Variants in TNKS observed in about 807,000 individuals in gnomAD.
The protein encoded by TNKS is poly [ADP-ribose] polymerase tankyrase-1.
TNKS carries 72 observed loss-of-function variants against 135.8 expected under a neutral mutation model. That is an observed-to-expected ratio of 0.53 (90% CI 0.44 to 0.64). The LOEUF is 0.64. Among genes scored for constraint, TNKS ranks in the 30% least tolerant of loss-of-function variants. The pLI, the probability that TNKS is intolerant of heterozygous loss-of-function variation, is 0.00. For synonymous variants in TNKS, 849 were observed against 649.3 expected, an observed-to-expected ratio of 1.31 and a Z score of -4.68; for missense variants, 1,769 against 1,674.0, an observed-to-expected ratio of 1.06 and a Z score of -0.99.
chr8:9,598,967 C>T (rs946163765), intron 2 of TNKS, among the ~76,000 whole-genome samples: 1 of 151,410 alleles, frequency 6.6e-6, no homozygotes, highest in Admixed American at 6.6e-5. Context: ...TTTATCCCTT[C>T]TTCTGTCTCA....
intron 1 of TNKS, among the ~76,000 whole-genome samples, chr8:9,562,179 A>G (rs1171680874): frequency 6.6e-6 from 1 of 151,422 alleles, no homozygotes; most frequent in Non-Finnish European, 1.5e-5. Context: ...AGTTTTATTC[A>G]GTTTTGTTGG....
chr8:9,573,744 A>G (rs1797845705), intron 1 of TNKS, among the ~76,000 whole-genome samples: 1 of 152,202 alleles, frequency 6.6e-6, no homozygotes, highest in Non-Finnish European at 1.5e-5. Flanking sequence ...TAATAGTTCA[A>G]GTGATGTACA....
intron 17 of TNKS, 67 bp downstream of exon 17, chr8:9,735,553 C>G (rs138067218): frequency 7.7e-7 from 1 of 1,290,826 alleles, no homozygotes; most frequent in East Asian, 2.3e-5. Context: ...GTAATCCCAG[C>G]ACTTTAGGAG....
chr8:9,715,790 T>C (rs937544127), intron 11 of TNKS, among the ~76,000 whole-genome samples: 4 of 152,098 alleles, frequency 2.6e-5, no homozygotes, highest in Non-Finnish European at 2.9e-5. Context: ...GAGTAAACTT[T>C]TGTTCCTTAA....
rs572623042 is a variant in TNKS at position 9,683,025 on chromosome 8, A to T, written c.1107+2225A>T. Among the ~76,000 whole-genome samples the T allele has an allele frequency of 1.1e-4, 17 of 152,174 alleles. No individual in the cohort carries two copies. In the South Asian group the frequency reaches 3.5e-3, roughly 32 times the overall value. On this transcript the variant is annotated intron_variant, in intron 5 of 26. Coordinates refer to ENST00000310430, the MANE Select transcript of TNKS (RefSeq NM_003747.3). ...AAATTAAATTAGATAGAAAAAATTA[A>T]ACTTAAGCATTTATTAGGTTTTAGT... is the stretch of plus-strand genomic sequence containing the variant.
chr8:9,584,120 C>T (rs1187197585), intron 2 of TNKS, among the ~76,000 whole-genome samples: 2 of 141,134 alleles, frequency 1.4e-5, no homozygotes, highest in Non-Finnish European at 3.0e-5. Context: ...GCCGAGATTA[C>T]ACCACTGCAC....
chr8:9,629,088 G>T (rs1390964753), intron 3 of TNKS, among the ~76,000 whole-genome samples: 1 of 152,082 alleles, frequency 6.6e-6, no homozygotes, highest in African/African-American at 2.4e-5. Flanking sequence ...TTTATACTAG[G>T]TCTCACCAAC....
At position 9,776,805 on chromosome 8, in the gene TNKS, TAAC is replaced by T. The variant is rs768161743; in HGVS notation, c.*74_*76del. The T allele has an allele frequency of 3.5e-6, 5 of 1,441,914 alleles. No individual in the cohort carries two copies. The highest frequency in any genetic ancestry group is 2.3e-5 in the East Asian group (1 of 43,942). The allele number at this position is 1,441,914 out of a possible 1,614,324, so 89.3% of individuals were successfully genotyped here. A position where few individuals can be genotyped will look rare whatever the true frequency, so the allele number is the denominator to read the frequency against. On this transcript the variant is annotated 3_prime_UTR_variant, in exon 27 of 27. Coordinates refer to ENST00000310430, the MANE Select transcript of TNKS (RefSeq NM_003747.3). Reference sequence around the variant, plus strand: ...CTGGATTACAGAGGATTGTTTCTAATAACAACATCAATATTCTAGAAGTCCCTG... The same window carrying T: ...CTGGATTACAGAGGATTGTTTCTAATAACATCAATATTCTAGAAGTCCCTG...
intron 3 of TNKS, among the ~76,000 whole-genome samples, chr8:9,631,186 CATTATG>C (rs1487266724): frequency 6.6e-6 from 1 of 152,148 alleles, no homozygotes; most frequent in Non-Finnish European, 1.5e-5. Flanking sequence ...GTTTTTATAA[CATTATG>C]ATTATAATAC....
At chr8:9,577,311 C>CT (rs893870048) in intron 1 of TNKS, among the ~76,000 whole-genome samples, 27 of 147,288 alleles carry the variant, frequency 1.8e-4, no homozygotes, top group African/African-American at 4.5e-4. Flanking sequence ...TTTATTTTGA[C>CT]TTTTTTTTTT....
chr8:9,683,417 T>C (rs1802864414), intron 5 of TNKS, among the ~76,000 whole-genome samples: 1 of 152,086 alleles, frequency 6.6e-6, no homozygotes, highest in African/African-American at 2.4e-5. Flanking sequence ...TCATATGTAG[T>C]AAATCAGGCA....
intron 11 of TNKS, among the ~76,000 whole-genome samples, chr8:9,713,695 T>C (rs1274135812): frequency 6.6e-6 from 1 of 152,212 alleles, no homozygotes; most frequent in Non-Finnish European, 1.5e-5. Flanking sequence ...TAGATATCAA[T>C]TGCTATCAGT....
At chr8:9,567,765 T>C (rs74208434) in intron 1 of TNKS, among the ~76,000 whole-genome samples, 11,377 of 152,262 alleles carry the variant, frequency 0.075, 465 homozygotes, top group South Asian at 0.17. Flanking sequence ...GAAAATCTCG[T>C]AGATAAATTT....
chr8:9,725,403 C>T (rs1004575086), intron 12 of TNKS, among the ~76,000 whole-genome samples: 20 of 152,010 alleles, frequency 1.3e-4, no homozygotes, highest in African/African-American at 4.8e-4. Context: ...TTTTTCCTCC[C>T]TTAATCTCAG....
At chr8:9,667,431 C>T (rs1362936326) in intron 3 of TNKS, among the ~76,000 whole-genome samples, 5 of 152,232 alleles carry the variant, frequency 3.3e-5, no homozygotes, top group African/African-American at 9.6e-5. Context: ...CCCCTGGATG[C>T]GTAAGCCTAC....
At chr8:9,615,061 T>A (rs1043754424) in intron 2 of TNKS, among the ~76,000 whole-genome samples, 8 of 152,226 alleles carry the variant, frequency 5.3e-5, no homozygotes, top group African/African-American at 1.9e-4. Flanking sequence ...CACATTACTA[T>A]GTCTGTTAAA....
chr8:9,724,052 C>T (rs556160661), intron 12 of TNKS, among the ~76,000 whole-genome samples: 7 of 152,100 alleles, frequency 4.6e-5, no homozygotes, highest in Admixed American at 6.5e-5. Flanking sequence ...AAATAGGCTG[C>T]TTCCTAGCGT....
At chr8:9,718,215 A>T (rs6601358) in intron 11 of TNKS, among the ~76,000 whole-genome samples, 131,389 of 152,210 alleles carry the variant, frequency 0.86, 57,382 homozygotes, top group Non-Finnish European at 0.93. Flanking sequence ...TGAGAAAAAA[A>T]ATGCAGTGTC....
chr8:9,693,018 T>G (rs933014919), intron 5 of TNKS, among the ~76,000 whole-genome samples: 1 of 152,222 alleles, frequency 6.6e-6, no homozygotes, highest in African/African-American at 2.4e-5. Flanking sequence ...TAATCATGTC[T>G]CTGTGCCTGA....
Sources: allele counts gnomAD v4.1 joint callset (sites outside exome capture counted in the v4.1 genomes callset), GRCh38; gene constraint gnomAD v4.1.1; transcripts MANE v1.5; gene names NCBI Gene and HGNC (gene_info 2026-07-23, HGNC 2026-07-21).